The following IGF2R variants were observed in gnomAD, a reference collection of about 807,000 sequenced individuals.
The protein encoded by IGF2R is insulin like growth factor 2 receptor.
Under a neutral mutation model 270.6 loss-of-function variants are expected in IGF2R, and 91 were observed. That is an observed-to-expected ratio of 0.34 (90% CI 0.28 to 0.40). The LOEUF (loss-of-function observed/expected upper bound fraction) is 0.40, where lower values mean the gene tolerates loss of function less well. Ranked by LOEUF, IGF2R falls within the 10% of genes least tolerant of loss-of-function variation. The pLI, the probability that IGF2R is intolerant of heterozygous loss-of-function variation, is 1.00. For missense variants in IGF2R, 2,805 were observed against 3,188.3 expected, an observed-to-expected ratio of 0.88 and a Z score of 2.90; for synonymous variants, 1,316 against 1,258.9, an observed-to-expected ratio of 1.05 and a Z score of -0.96.
chr6:160,096,479 C>T lies in IGF2R; in HGVS notation c.6696C>T (p.Cys2232=), dbSNP rs139949394. The change falls in exon 45 of 48, where the codon TGC becomes TGT. Residue 2232 remains cysteine, a synonymous_variant. Transcript: ENST00000356956. ...TCGTGTTTGCCTCTTCCTCTAAGTG[C>T]GGAAAGGATAAGACCAAGTCTGTTT... ...LDVVFASSSK[C]GKDKTKSVSS... 8.7e-6 allele frequency: 14 copies of T among 1,613,606 alleles called. No individual in the cohort carries two copies. The highest frequency in any genetic ancestry group is 2.2e-5 in the East Asian group (1 of 44,878).
chr6:159,996,928 A>G (rs1784062387), intron 2 of IGF2R, among the ~76,000 whole-genome samples: 1 of 152,182 alleles, frequency 6.6e-6, no homozygotes, highest in Non-Finnish European at 1.5e-5. Flanking sequence ...TTCCCCTAAC[A>G]GCCACAGAAT....
intron 12 of IGF2R, among the ~76,000 whole-genome samples, chr6:160,044,075 G>C (rs547244550): frequency 6.6e-6 from 1 of 152,266 alleles, no homozygotes; most frequent in Admixed American, 6.5e-5. Flanking sequence ...GTTAATTTCT[G>C]CTTTGGATAT....
intron 34 of IGF2R, 36 bp downstream of exon 34, chr6:160,073,505 C>T: frequency 6.2e-7 from 1 of 1,608,386 alleles, no homozygotes; most frequent in Non-Finnish European, 8.5e-7. Flanking sequence ...AAGTGCATGT[C>T]CAGTGCCTGG....
At chr6:159,977,959 T>C (rs1783719994) in intron 1 of IGF2R, among the ~76,000 whole-genome samples, 1 of 152,190 alleles carries the variant, frequency 6.6e-6, no homozygotes, top group African/African-American at 2.4e-5. Flanking sequence ...TTGGAAGACA[T>C]TTGAATGCCT....
rs1779711555 is a variant in IGF2R, at chr6:160,110,041, G to GA, written c.*4960dup. ...AGTTTGGGAAATGCTGAATTGAAGT[G>GA]AAACAGCTTTTCTTGGTGTGAGACC... is the stretch of plus-strand genomic sequence containing the variant. On this transcript the variant is annotated 3_prime_UTR_variant, in exon 48 of 48. Transcript: ENST00000356956. The GA allele has an allele frequency of 6.6e-6, 1 of 152,266 alleles. No homozygotes were observed. The highest frequency in any genetic ancestry group is 2.4e-5 in the African/African-American group (1 of 41,472). 9.4% of individuals were successfully genotyped at this position (152,266 alleles called of 1,614,324 possible).
intron 34 of IGF2R, 45 bp downstream of exon 34, chr6:160,073,514 G>A (rs1331195099): frequency 6.2e-7 from 1 of 1,601,554 alleles, no homozygotes; most frequent in Non-Finnish European, 8.5e-7. Context: ...TCCAGTGCCT[G>A]GCTGCACCCG....
In IGF2R at chr6:160,043,136, G is replaced by A; in HGVS notation, c.1481-12G>A. The A allele has an allele frequency of 1.9e-6, 3 of 1,613,428 alleles. No individual in the cohort carries two copies. Among genetic ancestry groups the A allele is most frequent in the Non-Finnish European group, 2.5e-6 (3 of 1,179,704 alleles). ...TTGCTTTTGGCTAAAATACACTTTTGTTTTGTTACAGAACCAGAGCAGAAT... is the reference window on the plus strand; with the variant it reads ...TTGCTTTTGGCTAAAATACACTTTTATTTTGTTACAGAACCAGAGCAGAAT... On this transcript the variant is annotated splice_polypyrimidine_tract_variant and intron_variant, in intron 11 of 47. Transcript: ENST00000356956.
chr6:160,104,324 GAGCCCCTTCTCCCCCAGCTGCGCT>G (rs1030603543), intron 47 of IGF2R, among the ~76,000 whole-genome samples: 1 of 151,976 alleles, frequency 6.6e-6, no homozygotes, highest in Non-Finnish European at 1.5e-5. Flanking sequence ...TAGCCCGGAA[GAGCCCCTTCTCCCCCAGCTGCGCT>G]GGGGGATCAC....
intron 12 of IGF2R, among the ~76,000 whole-genome samples, 190 bp from the exon 13 acceptor site, chr6:160,044,324 C>T (rs998872232): frequency 5.3e-5 from 8 of 152,174 alleles, no homozygotes; most frequent in African/African-American, 1.2e-4. Context: ...TCTAGCCAAA[C>T]GTGGCACTCT....
chr6:160,079,455 C>T (rs1340112597), intron 37 of IGF2R, 125 bp from the exon 38 acceptor site: 7 of 608,736 alleles, frequency 1.1e-5, no homozygotes, highest in Admixed American at 4.3e-5. Flanking sequence ...CTCTGATGCA[C>T]ACAGAGGAGT....
chr6:160,078,465 AG>A (rs1778903102), intron 37 of IGF2R, 103 bp downstream of exon 37: 3 of 1,123,836 alleles, frequency 2.7e-6, no homozygotes, highest in African/African-American at 1.5e-5. Flanking sequence ...GTGAGCTGAG[AG>A]GGTGTATGTG....
At chr6:160,096,357 T>A (rs1488595290) in intron 44 of IGF2R, 82 bp from the exon 45 acceptor site, 62 of 1,330,548 alleles carry the variant, frequency 4.7e-5, no homozygotes, top group Middle Eastern at 4.8e-4. Flanking sequence ...CTTTGCAAAC[T>A]TTTTAGACCG....
At position 160,044,534 on chromosome 6, in the gene IGF2R, C is replaced by G. The variant is rs1473551824; in HGVS notation, c.1642C>G (p.Leu548Val). The change falls in exon 13 of 48, where the codon CTG (leucine) becomes GTG (valine). Residue 548 changes from leucine (L) to valine (V), a missense_variant. Coordinates refer to ENST00000356956, the MANE Select transcript of IGF2R (RefSeq NM_000876.4). ...TCCAGATAAAAATGGAAGTAAAAATCTGGGAAAATTTATTTCCTCTCCCAT... is the reference window on the plus strand; with the variant it reads ...TCCAGATAAAAATGGAAGTAAAAATGTGGGAAAATTTATTTCCTCTCCCAT... ...CAVDKNGSKN[L>V]GKFISSPMKE... 6.2e-7 allele frequency: 1 copy of G among 1,606,008 alleles called. No individual in the cohort carries two copies. The highest frequency in any genetic ancestry group is 8.5e-7 in the Non-Finnish European group (1 of 1,175,226).
At chr6:160,101,476 G>C (rs925906441) in intron 45 of IGF2R, among the ~76,000 whole-genome samples, 4 of 152,202 alleles carry the variant, frequency 2.6e-5, no homozygotes, top group Admixed American at 1.3e-4. Flanking sequence ...TTCTTGTCTT[G>C]CTGATGTTTT....
intron 45 of IGF2R, among the ~76,000 whole-genome samples, chr6:160,101,323 T>C (rs1779480688): frequency 6.6e-6 from 1 of 152,172 alleles, no homozygotes. Context: ...TGGAGCTGCT[T>C]CTGGGTGAGT....
At chr6:160,042,446 C>T (rs896675593) in intron 11 of IGF2R, among the ~76,000 whole-genome samples, 4 of 152,226 alleles carry the variant, frequency 2.6e-5, no homozygotes, top group African/African-American at 9.6e-5. Flanking sequence ...CTCCTTGACA[C>T]ACTTTGTAAG....
At chr6:160,016,479 C>T (rs1007404386) in intron 4 of IGF2R, among the ~76,000 whole-genome samples, 1 of 152,344 alleles carries the variant, frequency 6.6e-6, no homozygotes, top group Admixed American at 6.5e-5. Context: ...TGGGAGTAGC[C>T]TCCTCGTTAA....
Position 159,986,402 on chromosome 6 carries a change from TTGTG to T in IGF2R, c.150-4756_150-4753del, listed in dbSNP as rs56105769. On this transcript the variant is annotated intron_variant, in intron 1 of 47. Coordinates refer to ENST00000356956, the MANE Select transcript of IGF2R (RefSeq NM_000876.4). ...GTGCGCGACCATGCCTGGCTAATTTTTGTGTGTGTGTGTGTGTGTGTGTGTGTGT... is the reference window on the plus strand; with the variant it reads ...GTGCGCGACCATGCCTGGCTAATTTTTGTGTGTGTGTGTGTGTGTGTGTGT... 5.3e-3 allele frequency among the ~76,000 whole-genome samples: 693 copies of T among 131,944 alleles called. 7 individuals are homozygous for T. The highest frequency in any genetic ancestry group is 0.017 in the African/African-American group (620 of 35,546). The allele number at this position is 131,944 out of a possible 152,430, so 86.6% of individuals were successfully genotyped here.
At chr6:160,099,659 G>A (rs1172430283) in intron 45 of IGF2R, among the ~76,000 whole-genome samples, 3 of 152,180 alleles carry the variant, frequency 2.0e-5, no homozygotes, top group Non-Finnish European at 2.9e-5. Context: ...GAGCCACCGT[G>A]CCCGGCCTCA....
Sources: allele counts gnomAD v4.1 joint callset (sites outside exome capture counted in the v4.1 genomes callset), GRCh38; gene constraint gnomAD v4.1.1; transcripts MANE v1.5; gene names NCBI Gene and HGNC (gene_info 2026-07-23, HGNC 2026-07-21).